The following DGKI variants were observed in gnomAD, a reference collection of about 807,000 sequenced individuals.
The protein encoded by DGKI is DAG kinase iota.
In DGKI, 55 loss-of-function variants were observed where a neutral mutation model predicts 147.5. The observed-to-expected ratio is 0.37, with a 90% CI of 0.30 to 0.47. The LOEUF is 0.47. DGKI is among the 20% of genes least tolerant of loss of function. The pLI, the probability that DGKI is intolerant of heterozygous loss-of-function variation, is 1.00. For synonymous variants in DGKI, 469 were observed against 477.1 expected (o/e 0.98, Z 0.22); for missense variants, 1,007 against 1,323.8 (o/e 0.76, Z 3.71).
At chr7:137,648,389 C>T (rs1326331535) in intron 5 of DGKI, among the ~76,000 whole-genome samples, 1 of 152,174 alleles carries the variant, frequency 6.6e-6, no homozygotes, top group Non-Finnish European at 1.5e-5. Flanking sequence ...GTCCATAAAT[C>T]AACAATTATT....
Position 137,466,908 on chromosome 7 carries a change from T to A in DGKI, c.2478A>T (p.Arg826Ser), listed in dbSNP as rs769820713. The A allele has an allele frequency of 6.2e-7, 1 of 1,614,106 alleles. No individual in the cohort carries two copies. Among genetic ancestry groups the A allele is most frequent in the East Asian group, 2.2e-5 (1 of 44,876 alleles). Residue 826 changes from arginine (R) to serine (S), a missense_variant, in exon 25 of 33, where the codon AGA becomes AGT. Arg to Ser is a moderately radical substitution (Grantham distance 110). Around this residue, in one of 5 missense-constraint regions of DGKI, gnomAD observed 385 missense variants for 445.2 expected, o/e 0.86. Transcript: ENST00000614521. ...TSADRFYRID[R>S]SQEHLHFVME... ...AGGCTGGAAAAAAACTTACCTGAGA[T>A]CTGTCTATTCGATAAAAGCGATCAG...
chr7:137,435,809 T>G (rs1813257457), intron 28 of DGKI, among the ~76,000 whole-genome samples: 4 of 152,206 alleles, frequency 2.6e-5, no homozygotes, highest in Admixed American at 2.6e-4. Context: ...AGACAGAGTC[T>G]TGCTCTGTAG....
intron 28 of DGKI, among the ~76,000 whole-genome samples, chr7:137,441,196 G>A (rs1174903924): frequency 3.9e-5 from 6 of 151,986 alleles, no homozygotes; most frequent in South Asian, 2.1e-4. Context: ...CGAGGTGGGC[G>A]AATCGAGAGG....
At chr7:137,581,715 T>C in intron 15 of DGKI, 135 bp downstream of exon 15, 1 of 695,298 alleles carries the variant, frequency 1.4e-6, no homozygotes, top group Non-Finnish European at 2.4e-6. Context: ...GCTCCCAGAG[T>C]CATCCTGAAG....
At chr7:137,610,630 T>C (rs532332299) in intron 8 of DGKI, among the ~76,000 whole-genome samples, 1 of 152,324 alleles carries the variant, frequency 6.6e-6, no homozygotes, top group East Asian at 1.9e-4. Context: ...AATTCTTAAA[T>C]TAAAAGTTTA....
chr7:137,673,204 T>C (rs1474764850), intron 3 of DGKI, among the ~76,000 whole-genome samples: 1 of 152,110 alleles, frequency 6.6e-6, no homozygotes, highest in Non-Finnish European at 1.5e-5. Context: ...CATTCTGAGG[T>C]ACTGAAGTCC....
At chr7:137,400,175 T>G (rs998715037) in intron 30 of DGKI, among the ~76,000 whole-genome samples, 6 of 152,186 alleles carry the variant, frequency 3.9e-5, no homozygotes, top group Non-Finnish European at 2.9e-5. Context: ...CTGAGGCCTA[T>G]TTAGCTGCCA....
chr7:137,681,630 C>T (rs1823238542), intron 2 of DGKI, among the ~76,000 whole-genome samples: 2 of 152,150 alleles, frequency 1.3e-5, no homozygotes, highest in Non-Finnish European at 2.9e-5. Context: ...GAAAAATCTA[C>T]CAGAGAAGAT....
chr7:137,503,061 C>T (rs1421640552), intron 21 of DGKI, among the ~76,000 whole-genome samples: 2 of 152,128 alleles, frequency 1.3e-5, no homozygotes, highest in Non-Finnish European at 2.9e-5. Flanking sequence ...CGTGAACATA[C>T]TTGGCAGAAA....
At chr7:137,699,334 G>C (rs1054624627) in intron 1 of DGKI, among the ~76,000 whole-genome samples, 2 of 152,186 alleles carry the variant, frequency 1.3e-5, no homozygotes, top group Admixed American at 1.3e-4. Context: ...CAAATGCCCT[G>C]GTATGGGGTA....
chr7:137,421,078 T>G (rs978167795), intron 28 of DGKI, among the ~76,000 whole-genome samples: 4 of 151,792 alleles, frequency 2.6e-5, no homozygotes, highest in South Asian at 2.1e-4. Context: ...ACTCTCCCAA[T>G]CTCCTCCCCT....
In DGKI at chr7:137,747,569, C is replaced by T. The variant is rs117856195; in HGVS notation, c.402-57567G>A. Among the ~76,000 whole-genome samples, 281 of 152,294 alleles carry T rather than the reference C, an allele frequency of 1.8e-3. 3 individuals are homozygous for T. Among genetic ancestry groups the T allele is most frequent in the Non-Finnish European group, 3.4e-3 (232 of 68,018 alleles). Reference sequence around the variant, plus strand: ...ATGTAAACTCCCAAAAATTCTGTAACGGGGTCTTTGAGCCCCTATACTCAG... The same window carrying T: ...ATGTAAACTCCCAAAAATTCTGTAATGGGGTCTTTGAGCCCCTATACTCAG... On this transcript the variant is annotated intron_variant, in intron 1 of 32. Coordinates refer to ENST00000614521, the MANE Select transcript of DGKI (RefSeq NM_001321708.2).
At chr7:137,646,232 G>A (rs138194198) in intron 5 of DGKI, among the ~76,000 whole-genome samples, 1 of 152,162 alleles carries the variant, frequency 6.6e-6, no homozygotes, top group East Asian at 1.9e-4. Context: ...CAAACTCTCA[G>A]AAAGAGATCT....
Position 137,384,905 on chromosome 7 carries a change from A to G in DGKI, c.*6315T>C, listed in dbSNP as rs554035243. 1.6e-4 allele frequency: 24 copies of G among 152,146 alleles called. No individual in the cohort carries two copies. The highest frequency in any genetic ancestry group is 5.5e-4 in the African/African-American group (23 of 41,536). 9.4% of individuals were successfully genotyped at this position (152,146 alleles called of 1,614,324 possible). On this transcript the variant is annotated 3_prime_UTR_variant, in exon 33 of 33. Transcript: ENST00000614521. The stretch of plus-strand genomic sequence containing the variant: ...AAGTTGGGTGAAAACTTGGATCACT[A>G]TTTTCTTATTTCCATGGGTAGGACC...
chr7:137,422,132 C>T (rs1361182781), intron 28 of DGKI, among the ~76,000 whole-genome samples: 5 of 152,130 alleles, frequency 3.3e-5, no homozygotes, highest in Non-Finnish European at 5.9e-5. Context: ...TTGATAGTAA[C>T]GCTTAGATAA....
intron 23 of DGKI, among the ~76,000 whole-genome samples, chr7:137,477,580 T>C (rs977757427): frequency 6.6e-6 from 1 of 152,250 alleles, no homozygotes; most frequent in African/African-American, 2.4e-5. Flanking sequence ...CCATGGTACA[T>C]TACTGTTAAA....
At chr7:137,633,951 T>C (rs761930435) in intron 6 of DGKI, among the ~76,000 whole-genome samples, 15 of 152,180 alleles carry the variant, frequency 9.9e-5, no homozygotes, top group Non-Finnish European at 2.9e-5. Flanking sequence ...TTAAAGCAGA[T>C]GAGCAAGAAG....
chr7:137,660,677 A>C lies in DGKI; in HGVS notation c.607-4137T>G, dbSNP rs1822393378. Among the ~76,000 whole-genome samples, 2 of 152,226 alleles carry C rather than the reference A, an allele frequency of 1.3e-5. 1 individual carries two copies. The highest frequency in any genetic ancestry group is 1.3e-4 in the Admixed American group (2 of 15,278). On this transcript the variant is annotated intron_variant, in intron 3 of 32. Transcript: ENST00000614521. ...TCCCTTGCCTAAGTCCCTGATCTATATGTACCAAGAAAGCTATTTTTTTTC... is the reference window on the plus strand; with the variant it reads ...TCCCTTGCCTAAGTCCCTGATCTATCTGTACCAAGAAAGCTATTTTTTTTC...
Position 137,712,510 on chromosome 7 carries a change from G to T in DGKI, c.402-22508C>A, listed in dbSNP as rs530994339. 2.6e-5 allele frequency among the ~76,000 whole-genome samples: 4 copies of T among 152,272 alleles called. No individual in the cohort carries two copies. In the South Asian group the frequency reaches 8.3e-4, roughly 32 times the overall value. On this transcript the variant is annotated intron_variant, in intron 1 of 32. Coordinates refer to ENST00000614521, the MANE Select transcript of DGKI (RefSeq NM_001321708.2). Reference sequence around the variant, plus strand: ...TTTAAGCATTATAAAATTAGGAATAGAAAGATATGTAAGCCTTTACACAGT... The same window carrying T: ...TTTAAGCATTATAAAATTAGGAATATAAAGATATGTAAGCCTTTACACAGT...
Sources: gnomAD v4.1 joint callset for allele counts (sites outside exome capture counted in the v4.1 genomes callset) on GRCh38, gnomAD v4.1.1 for gene constraint, gnomAD v4.1.1 regional missense constraint, MANE v1.5 for transcripts, NCBI Gene and HGNC (gene_info 2026-07-23, HGNC 2026-07-21) for gene names.